ZMYND11: variants seen among roughly 807,000 people sequenced by gnomAD.
ZMYND11 encodes the protein zinc finger MYND domain-containing protein 11.
A neutral mutation model predicts 84.9 loss-of-function variants in ZMYND11; 9 were observed. The observed-to-expected ratio is 0.11, with a 90% confidence interval of 0.06 to 0.18. ZMYND11 has a LOEUF of 0.18. Among genes scored for constraint, ZMYND11 ranks in the 10% least tolerant of loss-of-function variants. The probability of loss-of-function intolerance (pLI) is 1.00; values close to 1 mark genes in which losing one functional copy is unlikely to be tolerated. For missense variants in ZMYND11, 409 were observed against 761.0 expected (o/e 0.54, Z 5.44); for synonymous variants, 250 against 244.1 (o/e 1.02, Z -0.23).
intron 1 of ZMYND11, among the ~76,000 whole-genome samples, chr10:173,071 C>G (rs1259837336): frequency 1.3e-5 from 2 of 151,732 alleles, no homozygotes; most frequent in East Asian, 1.9e-4. Flanking sequence ...AGGCAAAGAC[C>G]TTACATCCCT....
At chr10:159,504 A>G (rs1464333706) in intron 1 of ZMYND11, among the ~76,000 whole-genome samples, 2 of 152,138 alleles carry the variant, frequency 1.3e-5, no homozygotes, top group South Asian at 4.1e-4. Flanking sequence ...TAAATTAAGC[A>G]TCTTTTAATA....
At position 221,291 on chromosome 10, in the gene ZMYND11, A is replaced by G; in HGVS notation, c.373A>G (p.Lys125Glu). Residue 125 changes from lysine (K) to glutamate (E), a missense_variant, in exon 4 of 15, where the codon AAG becomes GAG. Lys to Glu is a moderately conservative substitution (Grantham distance 56, BLOSUM62 1). Coordinates refer to ENST00000381604, the MANE Select transcript of ZMYND11 (RefSeq NM_001370100.5). ...CCTGTGTTTTCGTGTGTATCATTCC[A>G]AGTGTTTGTCTGATGAGTTCAGGCT... is the stretch of plus-strand genomic sequence containing the variant. ...CDLCFRVYHS[K>E]CLSDEFRLRD... 6.2e-7 allele frequency: 1 copy of G among 1,613,948 alleles called. No homozygotes were observed. Among genetic ancestry groups the G allele is most frequent in the Admixed American group, 1.7e-5 (1 of 60,010 alleles).
intron 2 of ZMYND11, among the ~76,000 whole-genome samples, chr10:190,203 G>T (rs372960222): frequency 6.6e-6 from 1 of 152,140 alleles, no homozygotes; most frequent in African/African-American, 2.4e-5. Context: ...TCATCCTTAT[G>T]ACTTTCTTGC....
chr10:229,657 C>G (rs935374350), intron 4 of ZMYND11, among the ~76,000 whole-genome samples: 1 of 152,002 alleles, frequency 6.6e-6, no homozygotes, highest in Non-Finnish European at 1.5e-5. Flanking sequence ...TGTGTCAGTA[C>G]TGGGAGTGAA....
intron 1 of ZMYND11, among the ~76,000 whole-genome samples, chr10:157,032 A>G (rs1841873986): frequency 6.6e-6 from 1 of 152,158 alleles, no homozygotes. Flanking sequence ...ACACTTAAGC[A>G]GTTATTTTTA....
chr10:173,495 C>A (rs981719265), intron 1 of ZMYND11, among the ~76,000 whole-genome samples: 1 of 152,088 alleles, frequency 6.6e-6, no homozygotes, highest in Non-Finnish European at 1.5e-5. Context: ...GTGGGAGGAT[C>A]ACTTGAGGCC....
chr10:246,097 TCCAAC>T (rs1348894202), intron 10 of ZMYND11, among the ~76,000 whole-genome samples: 2 of 152,172 alleles, frequency 1.3e-5, no homozygotes, highest in Non-Finnish European at 2.9e-5. Context: ...AAGTGTTCTT[TCCAAC>T]AGAAGCAAAT....
Position 218,813 on chromosome 10 carries a change from G to A in ZMYND11, c.277-2382G>A, listed in dbSNP as rs539679445. Among the ~76,000 whole-genome samples, 31 of 152,292 alleles carry A rather than the reference G, an allele frequency of 2.0e-4. 2 individuals carry two copies. The South Asian group carries it at 5.8e-3, about 29-fold the overall frequency. ...ATACATGTTTGAGTGCTAGTCAAAA[G>A]CATTATGTAAAGGATCTCTATTTAC... is the stretch of plus-strand genomic sequence containing the variant. On this transcript the variant is annotated intron_variant, in intron 3 of 14. Transcript: ENST00000381604.
upstream of ZMYND11, among the ~76,000 whole-genome samples, chr10:132,736 C>T (rs974535422): frequency 7.2e-5 from 11 of 152,238 alleles, no homozygotes; most frequent in African/African-American, 2.6e-4. Flanking sequence ...TCCCAATAGC[C>T]AGGTAATGAA....
At chr10:156,636 A>C (rs1841788767) in intron 1 of ZMYND11, among the ~76,000 whole-genome samples, 4 of 152,206 alleles carry the variant, frequency 2.6e-5, no homozygotes, top group Admixed American at 2.6e-4. Context: ...TTAAGTAAAA[A>C]CAAAACAAAA....
At chr10:211,239 A>G (rs762474231) in intron 3 of ZMYND11, among the ~76,000 whole-genome samples, 1 of 151,922 alleles carries the variant, frequency 6.6e-6, no homozygotes, top group Non-Finnish European at 1.5e-5. Flanking sequence ...CTTTTTCTTA[A>G]AAAGAAAAAA....
At position 144,900 on chromosome 10, in the gene ZMYND11, A is replaced by G. The variant is rs535357596; in HGVS notation, c.-20+9341A>G. Among the ~76,000 whole-genome samples the G allele has an allele frequency of 2.0e-5, 3 of 150,410 alleles. No individual in the cohort carries two copies. In the South Asian group the frequency reaches 6.2e-4, roughly 31 times the overall value. ...TTTTAAAATATTAAATATTAAAGAG[A>G]TTTTTAAAATTTCTTACTCCTCTTC... is the stretch of plus-strand genomic sequence containing the variant. On this transcript the variant is annotated intron_variant, in intron 1 of 14. Coordinates refer to ENST00000381604, the MANE Select transcript of ZMYND11 (RefSeq NM_001370100.5).
chr10:239,056 C>A (rs570170224), intron 6 of ZMYND11, among the ~76,000 whole-genome samples: 2 of 152,334 alleles, frequency 1.3e-5, no homozygotes, highest in South Asian at 4.1e-4. Context: ...CTCGATCCTC[C>A]TGTGTTGTAA....
Position 234,964 on chromosome 10 carries a change from C to T in ZMYND11, c.439-1874C>T, listed in dbSNP as rs897279800. The stretch of plus-strand genomic sequence containing the variant: ...ACTGTGGTCTAGTGTACAAGAGGTG[C>T]CCGCTAGTATTTCGCAAATGTGTGT... On this transcript the variant is annotated intron_variant, in intron 4 of 14. Transcript: ENST00000381604. 5.7e-5 allele frequency among the ~76,000 whole-genome samples: 8 copies of T among 141,206 alleles called. No homozygotes were observed. The East Asian group carries it at 1.8e-3, about 32-fold the overall frequency. The allele number at this position is 141,206 out of a possible 152,430, so 92.6% of individuals were successfully genotyped here. A position where few individuals can be genotyped will look rare whatever the true frequency, so the allele number is the denominator to read the frequency against.
chr10:177,546 C>T (rs1846924854), intron 1 of ZMYND11, among the ~76,000 whole-genome samples: 1 of 152,074 alleles, frequency 6.6e-6, no homozygotes, highest in Non-Finnish European at 1.5e-5. Context: ...TTTAGAGTTT[C>T]TGCTACTTAG....
At chr10:135,050 G>C (rs1312327816), upstream of ZMYND11, 2 of 149,130 alleles carry the variant, frequency 1.3e-5, no homozygotes, top group Non-Finnish European at 3.0e-5. The surrounding 1 kb of genome is among the most constrained non-coding windows in gnomAD (Gnocchi z 5.6). Context: ...CGGGCGGGCC[G>C]AGGGGCCGGT....
chr10:249,612 C>CGT, intron 14 of ZMYND11: 1 of 985,390 alleles, frequency 1.0e-6, no homozygotes, highest in Non-Finnish European at 1.2e-6. Context: ...CATTTGTCAT[C>CGT]GTGTCCTGCT....
chr10:161,902 A>T (rs1254944771), intron 1 of ZMYND11, among the ~76,000 whole-genome samples: 1 of 152,198 alleles, frequency 6.6e-6, no homozygotes, highest in African/African-American at 2.4e-5. Context: ...TCATGTGTTC[A>T]CTGAAAGAAC....
At chr10:143,474 C>T (rs995156639) in intron 1 of ZMYND11, among the ~76,000 whole-genome samples, 1 of 152,058 alleles carries the variant, frequency 6.6e-6, no homozygotes. Context: ...ACATGGAGCC[C>T]TTCCTCAATT....
Sources: allele counts gnomAD v4.1 joint callset (sites outside exome capture counted in the v4.1 genomes callset), GRCh38; gene constraint gnomAD v4.1.1; non-coding constraint Gnocchi (gnomAD v3.1); transcripts MANE v1.5; gene names NCBI Gene and HGNC (gene_info 2026-07-23, HGNC 2026-07-21).